The following HS6ST3 variants were observed in gnomAD, a reference collection of about 807,000 sequenced individuals.
HS6ST3 encodes the protein heparan sulfate 6-O-sulfotransferase 3.
HS6ST3 carries 12 observed loss-of-function variants against 36.7 expected under a neutral mutation model. The observed-to-expected ratio is 0.33, with a 90% confidence interval of 0.21 to 0.53. The LOEUF (loss-of-function observed/expected upper bound fraction) is 0.53, where lower values mean the gene tolerates loss of function less well. Among genes scored for constraint, HS6ST3 ranks in the 20% least tolerant of loss-of-function variants. HS6ST3 has a pLI of 0.95. For synonymous variants in HS6ST3, 240 were observed against 257.5 expected (o/e 0.93, Z 0.65); for missense variants, 584 against 640.9 (o/e 0.91, Z 0.96).
intron 1 of HS6ST3, among the ~76,000 whole-genome samples, chr13:96,192,685 A>G (rs1477076119): frequency 1.3e-5 from 2 of 151,832 alleles, no homozygotes; most frequent in Non-Finnish European, 2.9e-5. Context: ...TGGTTCCATG[A>G]CTTGGCTGTT....
At position 96,552,752 on chromosome 13, in the gene HS6ST3, T is replaced by C. The variant is rs542538416; in HGVS notation, c.708-279738T>C. On this transcript the variant is annotated intron_variant, in intron 1 of 1. Coordinates refer to ENST00000376705, the MANE Select transcript of HS6ST3 (RefSeq NM_153456.4). ...TTCAGCAGGTAGGGGACACCTATCT[T>C]AGGTTCAAAGGTGAGAGTACCTACT... 2.0e-5 allele frequency among the ~76,000 whole-genome samples: 3 copies of C among 152,244 alleles called. No homozygotes were observed. In the South Asian group the frequency reaches 6.2e-4, roughly 32 times the overall value.
At chr13:96,145,233 A>T (rs1041583752) in intron 1 of HS6ST3, among the ~76,000 whole-genome samples, 2 of 151,226 alleles carry the variant, frequency 1.3e-5, no homozygotes, top group Admixed American at 6.6e-5. Flanking sequence ...TGCCACATTG[A>T]CTTCCACAAT....
chr13:96,242,192 A>G (rs9516647), intron 1 of HS6ST3, among the ~76,000 whole-genome samples: 58,338 of 151,306 alleles, frequency 0.39, 11,797 homozygotes, highest in Non-Finnish European at 0.46. Context: ...GCCCCTGGCT[A>G]CCACCATTCT....
At chr13:96,565,035 G>T (rs2056275897) in intron 1 of HS6ST3, among the ~76,000 whole-genome samples, 1 of 152,004 alleles carries the variant, frequency 6.6e-6, no homozygotes, top group Admixed American at 6.6e-5. Context: ...GCATATGTGA[G>T]AGTGAGGAAG....
rs369467622 is a variant in HS6ST3 at position 96,615,738 on chromosome 13, A to G, written c.708-216752A>G. 2.2e-3 allele frequency among the ~76,000 whole-genome samples: 333 copies of G among 152,328 alleles called. 1 individual carries two copies. Among genetic ancestry groups the G allele is most frequent in the African/African-American group, 7.6e-3 (314 of 41,572 alleles). On this transcript the variant is annotated intron_variant, in intron 1 of 1. Transcript: ENST00000376705. The stretch of plus-strand genomic sequence containing the variant: ...GCATGAAGGTTTTTAAGACCTTGTG[A>G]CACAAAGTGCATATGGACATGTTAT...
At chr13:96,274,494 A>G (rs577047678) in intron 1 of HS6ST3, among the ~76,000 whole-genome samples, 24 of 152,252 alleles carry the variant, frequency 1.6e-4, no homozygotes, top group Admixed American at 1.5e-3. Context: ...TAATGTGTGC[A>G]GACACCATTA....
chr13:96,739,740 C>T (rs1329991952), intron 1 of HS6ST3, among the ~76,000 whole-genome samples: 1 of 152,190 alleles, frequency 6.6e-6, no homozygotes, highest in East Asian at 1.9e-4. Context: ...AGGCTATTCT[C>T]AACAAAGCAT....
rs10603063 is a variant in HS6ST3 at position 96,400,308 on chromosome 13, TACAC to T, written c.707+308767_707+308770del. On this transcript the variant is annotated intron_variant, in intron 1 of 1. Transcript: ENST00000376705. ...ATATAGACACACACAGACACACAGA[TACAC>T]ACACACACACACACACACACACACA... Among the ~76,000 whole-genome samples the T allele has an allele frequency of 8.3e-3, 1,183 of 142,310 alleles. 7 individuals carry two copies. The highest frequency in any genetic ancestry group is 0.016 in the African/African-American group (623 of 37,870). The allele number at this position is 142,310 out of a possible 152,430, so 93.4% of individuals were successfully genotyped here. A position where few individuals can be genotyped will look rare whatever the true frequency, so the allele number is the denominator to read the frequency against.
intron 1 of HS6ST3, among the ~76,000 whole-genome samples, chr13:96,649,998 G>A (rs1260276181): frequency 1.3e-5 from 2 of 151,716 alleles, no homozygotes; most frequent in South Asian, 2.1e-4. Context: ...TTCTGACCAG[G>A]ATGCTCTTCC....
intron 1 of HS6ST3, among the ~76,000 whole-genome samples, chr13:96,116,647 CT>C (rs1361918131): frequency 6.6e-6 from 1 of 152,188 alleles, no homozygotes; most frequent in Non-Finnish European, 1.5e-5. Context: ...TCAGTATGCA[CT>C]ATTGAACTGA....
intron 1 of HS6ST3, among the ~76,000 whole-genome samples, chr13:96,315,469 G>A (rs115587611): frequency 0.026 from 3,937 of 151,938 alleles, 67 homozygotes; most frequent in East Asian, 0.055. Context: ...TCTGGTACAA[G>A]TTTGCATTTA....
At chr13:96,196,918 G>A (rs1411231065) in intron 1 of HS6ST3, among the ~76,000 whole-genome samples, 1 of 152,206 alleles carries the variant, frequency 6.6e-6, no homozygotes, top group Non-Finnish European at 1.5e-5. Flanking sequence ...GTTAGGAAGT[G>A]CCTTCCTTAC....
chr13:96,228,281 C>G (rs1205557494), intron 1 of HS6ST3, among the ~76,000 whole-genome samples: 2 of 152,158 alleles, frequency 1.3e-5, no homozygotes, highest in Non-Finnish European at 2.9e-5. Flanking sequence ...TTTTCTGAGA[C>G]AGAGTCTTCC....
In HS6ST3 at chr13:96,090,713, G is replaced by T. The variant is rs560487047; in HGVS notation, c.-150G>T. The T allele has an allele frequency of 4.8e-6, 2 of 420,754 alleles. No individual in the cohort carries two copies. The highest frequency in any genetic ancestry group is 9.1e-5 in the South Asian group (1 of 10,942). 26.1% of individuals were successfully genotyped at this position (420,754 alleles called of 1,614,324 possible). A position where few individuals can be genotyped will look rare whatever the true frequency, so the allele number is the denominator to read the frequency against. The stretch of plus-strand genomic sequence containing the variant: ...CTCAAGCCCCGAGGGCCGCGGGGCC[G>T]CCAGCCAGCCACACGCCTCGGCGTC... On this transcript the variant is annotated 5_prime_UTR_variant, in exon 1 of 2. Transcript: ENST00000376705.
At chr13:96,717,057 A>G (rs719200) in intron 1 of HS6ST3, among the ~76,000 whole-genome samples, 47,683 of 152,100 alleles carry the variant, frequency 0.31, 9,349 homozygotes, top group African/African-American at 0.55. Flanking sequence ...GCACAGAAAC[A>G]GGGCAGCACA....
At chr13:96,814,935 G>T (rs891599095) in intron 1 of HS6ST3, among the ~76,000 whole-genome samples, 1 of 151,990 alleles carries the variant, frequency 6.6e-6, no homozygotes, top group African/African-American at 2.4e-5. Flanking sequence ...TAGTATTCTT[G>T]ACAGTCCATT....
At chr13:96,608,210 T>G (rs1360099359) in intron 1 of HS6ST3, among the ~76,000 whole-genome samples, 3 of 152,234 alleles carry the variant, frequency 2.0e-5, no homozygotes, top group African/African-American at 7.2e-5. Context: ...TATAAACATT[T>G]ATTCTGACTT....
At chr13:96,679,919 A>G (rs896543545) in intron 1 of HS6ST3, among the ~76,000 whole-genome samples, 2 of 152,196 alleles carry the variant, frequency 1.3e-5, no homozygotes, top group Admixed American at 6.5e-5. Flanking sequence ...CTTGGGCATC[A>G]TAAGAAATGG....
Position 96,836,183 on chromosome 13 carries a change from G to T in HS6ST3, c.*2985G>T, listed in dbSNP as rs1433536086. 1 of 152,118 alleles carries T rather than the reference G, an allele frequency of 6.6e-6. No individual in the cohort carries two copies. The highest frequency in any genetic ancestry group is 2.4e-5 in the African/African-American group (1 of 41,432). The allele number at this position is 152,118 out of a possible 1,614,324, so 9.4% of individuals were successfully genotyped here. ...AACTCCAGATATATCAGTGTCAAAA[G>T]CCCAAGAAAAGACAAAAAAGAAAAA... is the stretch of plus-strand genomic sequence containing the variant. On this transcript the variant is annotated 3_prime_UTR_variant, in exon 2 of 2. Coordinates refer to ENST00000376705, the MANE Select transcript of HS6ST3 (RefSeq NM_153456.4).
Sources: allele counts gnomAD v4.1 joint callset (sites outside exome capture counted in the v4.1 genomes callset), GRCh38; gene constraint gnomAD v4.1.1; transcripts MANE v1.5; gene names NCBI Gene and HGNC (gene_info 2026-07-23, HGNC 2026-07-21).